Variants in COL9A3 observed in about 807,000 individuals in gnomAD.
COL9A3 encodes collagen type IX alpha 3 chain, also known as collagen alpha-3(IX) chain.
Under a neutral mutation model 110.2 loss-of-function variants are expected in COL9A3, and 82 were observed. That is an observed-to-expected ratio of 0.74 (90% confidence interval 0.62 to 0.89). COL9A3 has a LOEUF of 0.89. Ranked by LOEUF, COL9A3 falls within the 40% of genes least tolerant of loss-of-function variation. The pLI, the probability that COL9A3 is intolerant of heterozygous loss-of-function variation, is 0.00. For synonymous variants in COL9A3, 494 were observed against 403.8 expected, an observed-to-expected ratio of 1.22 and a Z score of -2.68; for missense variants, 1,066 against 981.3, an observed-to-expected ratio of 1.09 and a Z score of -1.15.
At chr20:62,826,087 C>G in intron 13 of COL9A3, 117 bp from the exon 14 acceptor site, 1 of 1,228,168 alleles carries the variant, frequency 8.1e-7, no homozygotes, top group Non-Finnish European at 1.2e-6. Context: ...TGAGCTGAGG[C>G]TGAGGGCTCA....
intron 26 of COL9A3, among the ~76,000 whole-genome samples, chr20:62,834,882 G>A (rs2063623490): frequency 6.6e-6 from 1 of 151,980 alleles, no homozygotes; most frequent in East Asian, 1.9e-4. Context: ...CTTGTGATCC[G>A]CTCGCCTTGG....
In COL9A3 at chr20:62,829,658, C is replaced by T. The variant is rs771645717; in HGVS notation, c.1084C>T (p.Pro362Ser). ...AGCTGGGGAGCTGGGTGAGGCCGGC[C>T]CCTCTGGAGAGCCAGGCGTCCCTGT... is the stretch of plus-strand genomic sequence containing the variant. ...GRAGELGEAG[P>S]SGEPGVPGDA... Residue 362 changes from proline to serine, a missense_variant, in exon 21 of 32, where the codon CCC becomes TCC. Coordinates refer to ENST00000649368, the MANE Select transcript of COL9A3 (RefSeq NM_001853.4). 98 of 1,609,494 alleles carry T rather than the reference C, an allele frequency of 6.1e-5. No individual in the cohort carries two copies. The Admixed American group carries it at 1.6e-3, about 27-fold the overall frequency.
rs1192427550 is a variant in COL9A3 at position 62,827,352 on chromosome 20, C to T, written c.846+58C>T. 6.4e-6 allele frequency: 10 copies of T among 1,565,608 alleles called. No individual in the cohort carries two copies. In the Middle Eastern group the frequency reaches 5.0e-4, roughly 78 times the overall value. On this transcript the variant is annotated intron_variant, in intron 16 of 31. Coordinates refer to ENST00000649368, the MANE Select transcript of COL9A3 (RefSeq NM_001853.4). ...TTATGTGGAAGAACCCAATTTCCCT[C>T]CTGACTCGTGCTGGGGAGGGGGACA...
In COL9A3 at chr20:62,837,183, A is replaced by AG; in HGVS notation, c.1706dup (p.Ser570LeufsTer31). ...GCCCCCCTGGGCCCCCAGGACCCCC[A>AG]GGCTCCATTGGTCACCCTGGCGCTC... On this transcript the variant is annotated frameshift_variant, in exon 30 of 32. Coordinates refer to ENST00000649368, the MANE Select transcript of COL9A3 (RefSeq NM_001853.4). LOFTEE classifies it high-confidence loss of function. The AG allele has an allele frequency of 6.2e-7, 1 of 1,612,614 alleles. No homozygotes were observed. The highest frequency in any genetic ancestry group is 8.5e-7 in the Non-Finnish European group (1 of 1,179,710).
At chr20:62,826,855 C>G (rs369766107) in intron 15 of COL9A3, 35 bp downstream of exon 15, 1 of 1,608,768 alleles carries the variant, frequency 6.2e-7, no homozygotes, top group Non-Finnish European at 8.5e-7. Context: ...CGCCATGCCT[C>G]GTGACCTCTC....
At position 62,821,778 on chromosome 20, in the gene COL9A3, C is replaced by T. The variant is rs766715410; in HGVS notation, c.391C>T (p.Pro131Ser). 2 of 1,610,440 alleles carry T rather than the reference C, an allele frequency of 1.2e-6. No homozygotes were observed. Among genetic ancestry groups the T allele is most frequent in the South Asian group, 1.1e-5 (1 of 90,696 alleles). ...GPPGEAGVSGPPGGIGLRGPP... is the reference protein window; with the variant it reads ...GPPGEAGVSGSPGGIGLRGPP... ...CCAGGGAGAGGCAGGAGTGAGCGGC[C>T]CCCCAGGTGGGATCGGCCTCCGCGG... is the stretch of plus-strand genomic sequence containing the variant. The change falls in exon 8 of 32, where the codon CCC (proline) becomes TCC (serine). Residue 131 changes from proline to serine, a missense_variant. Physicochemically the swap from Pro to Ser is moderately conservative, Grantham distance 74 (BLOSUM62 -1). Coordinates refer to ENST00000649368, the MANE Select transcript of COL9A3 (RefSeq NM_001853.4).
At position 62,824,517 on chromosome 20, in the gene COL9A3, C is replaced by T. The variant is rs776090061; in HGVS notation, c.576+16C>T. 3 of 1,579,360 alleles carry T rather than the reference C, an allele frequency of 1.9e-6. No individual in the cohort carries two copies. Among genetic ancestry groups the T allele is most frequent in the African/African-American group, 2.7e-5 (2 of 74,152 alleles). ...AGGGTTCAAGGTGAGTCACGGGTGA[C>T]TGGGACCCAAGCACCACCCTGTGCT... is the stretch of plus-strand genomic sequence containing the variant. On this transcript the variant is annotated intron_variant, in intron 11 of 31. Coordinates refer to ENST00000649368, the MANE Select transcript of COL9A3 (RefSeq NM_001853.4).
intron 10 of COL9A3, among the ~76,000 whole-genome samples, chr20:62,823,207 G>A (rs1184311502): frequency 2.6e-5 from 4 of 152,148 alleles, no homozygotes; most frequent in Non-Finnish European, 5.9e-5. Flanking sequence ...ACGTGGTGGC[G>A]TGCCTGTTGT....
intron 5 of COL9A3, 76 bp from the exon 6 acceptor site, chr20:62,821,105 T>G: frequency 2.0e-6 from 3 of 1,470,494 alleles, no homozygotes; most frequent in Non-Finnish European, 2.8e-6. Flanking sequence ...AGTTGTGACG[T>G]CACACTTCAG....
In COL9A3 at chr20:62,830,527, G is replaced by A; in HGVS notation, c.1226G>A (p.Gly409Asp). The change falls in exon 24 of 32, where the codon GGC (glycine) becomes GAC (aspartate). Residue 409 changes from glycine (G) to aspartate (D), a missense_variant. Gly to Asp is a moderately conservative substitution (Grantham distance 94). Transcript: ENST00000649368. Reference sequence around the variant, plus strand: ...GACCTCCTTCCCCAGGGCCAGAAGGGCAGCATGGGAGACCCCGGCCTTCCA... The same window carrying A: ...GACCTCCTTCCCCAGGGCCAGAAGGACAGCATGGGAGACCCCGGCCTTCCA... ...PGVRGFQGQK[G>D]SMGDPGLPGP... 1 of 1,608,784 alleles carries A rather than the reference G, an allele frequency of 6.2e-7. No homozygotes were observed. Among genetic ancestry groups the A allele is most frequent in the Non-Finnish European group, 8.5e-7 (1 of 1,178,582 alleles).
At chr20:62,825,925 T>A in intron 13 of COL9A3, 55 bp downstream of exon 13, 1 of 1,528,120 alleles carries the variant, frequency 6.5e-7, no homozygotes, top group Non-Finnish European at 8.9e-7. Context: ...CACAGAGTGA[T>A]CAAGCCCTGC....
At chr20:62,834,754 T>G (rs992668221) in intron 26 of COL9A3, among the ~76,000 whole-genome samples, 2 of 152,188 alleles carry the variant, frequency 1.3e-5, no homozygotes, top group Non-Finnish European at 2.9e-5. Flanking sequence ...GCGATTCTCC[T>G]GCCTCAGCCT....
chr20:62,821,440 T>C (rs2063512101), intron 6 of COL9A3, 67 bp from the exon 7 acceptor site: 1 of 1,604,554 alleles, frequency 6.2e-7, no homozygotes, highest in South Asian at 1.1e-5. Context: ...CTGAGCCATC[T>C]TAGGGAGGGG....
intron 24 of COL9A3, chr20:62,830,998 T>G (rs1422897407): frequency 1.3e-5 from 2 of 153,992 alleles, no homozygotes; most frequent in African/African-American, 4.8e-5. Context: ...CCTCCTGCCC[T>G]GCGTAGACGC....
chr20:62,828,243 G>A (rs1374707747), intron 17 of COL9A3, among the ~76,000 whole-genome samples: 1 of 152,228 alleles, frequency 6.6e-6, no homozygotes, highest in Non-Finnish European at 1.5e-5. Flanking sequence ...ACTGGGCAGA[G>A]GTGGGCACTC....
chr20:62,833,937 T>C (rs1423697710), intron 26 of COL9A3, among the ~76,000 whole-genome samples: 1 of 152,074 alleles, frequency 6.6e-6, no homozygotes, highest in Non-Finnish European at 1.5e-5. Flanking sequence ...TGGAGTGCAG[T>C]GACGCCATCT....
chr20:62,839,590 C>T (rs2063658888), intron 31 of COL9A3, among the ~76,000 whole-genome samples: 1 of 151,978 alleles, frequency 6.6e-6, no homozygotes, highest in African/African-American at 2.4e-5. Flanking sequence ...TGCCTGGGTG[C>T]CCTGGAGCCT....
In COL9A3 at chr20:62,830,428, G is replaced by T; in HGVS notation, c.1215+15G>T. On this transcript the variant is annotated intron_variant, in intron 23 of 31. Transcript: ENST00000649368. The stretch of plus-strand genomic sequence containing the variant: ...GAGGCTTCCAGGTGGGTGAGGTTGG[G>T]GCAAGGGCCTGGCATGGGGGGCGGC... The T allele has an allele frequency of 6.4e-7, 1 of 1,565,894 alleles. No individual in the cohort carries two copies. Among genetic ancestry groups the T allele is most frequent in the Non-Finnish European group, 8.6e-7 (1 of 1,156,584 alleles).
chr20:62,817,175 G>A, intron 1 of COL9A3, 33 bp downstream of exon 1: 2 of 1,346,510 alleles, frequency 1.5e-6, no homozygotes, highest in Non-Finnish European at 9.6e-7. Flanking sequence ...GAGGCTGGAC[G>A]TGGAGCCGCG....
Sources: gnomAD v4.1 joint callset for allele counts (sites outside exome capture counted in the v4.1 genomes callset) on GRCh38, gnomAD v4.1.1 for gene constraint, MANE v1.5 for transcripts, NCBI Gene and HGNC (gene_info 2026-07-23, HGNC 2026-07-21) for gene names.